The following NEGR1 variants were observed in gnomAD, a reference collection of about 807,000 sequenced individuals.
The protein encoded by NEGR1 is neuronal growth regulator 1, also known as IgLON family member 4.
A neutral mutation model predicts 40.9 loss-of-function variants in NEGR1; 10 were observed. The observed-to-expected ratio is 0.24, with a 90% CI of 0.15 to 0.42. The LOEUF (loss-of-function observed/expected upper bound fraction) is 0.42, where lower values mean the gene tolerates loss of function less well. NEGR1 is among the 10% of genes least tolerant of loss of function. The pLI, the probability that NEGR1 is intolerant of heterozygous loss-of-function variation, is 1.00. For missense variants in NEGR1, 352 were observed against 438.9 expected (o/e 0.80, Z 1.77); for synonymous variants, 185 against 166.8 (o/e 1.11, Z -0.84).
intron 2 of NEGR1, among the ~76,000 whole-genome samples, chr1:71,778,989 A>G (rs1253639082): frequency 6.6e-6 from 1 of 152,148 alleles, no homozygotes; most frequent in Non-Finnish European, 1.5e-5. Context: ...TCCAGGTGTG[A>G]CATGTCATTC....
At chr1:72,192,710 C>A (rs1029584995) in intron 1 of NEGR1, among the ~76,000 whole-genome samples, 1 of 151,684 alleles carries the variant, frequency 6.6e-6, no homozygotes, top group Non-Finnish European at 1.5e-5. Flanking sequence ...TTGCATATTG[C>A]CAGATTAGAA....
At chr1:71,839,680 C>T (rs1299195216) in intron 2 of NEGR1, among the ~76,000 whole-genome samples, 1 of 152,090 alleles carries the variant, frequency 6.6e-6, no homozygotes, top group Non-Finnish European at 1.5e-5. Context: ...TCTTCATTTG[C>T]AGAGTTGGGC....
intron 1 of NEGR1, among the ~76,000 whole-genome samples, chr1:72,029,883 T>G (rs1646842368): frequency 1.3e-5 from 2 of 152,156 alleles, no homozygotes; most frequent in Admixed American, 1.3e-4. Context: ...CCCATCTAAT[T>G]TGGGAATTGA....
chr1:71,586,803 C>A (rs1649323633), intron 6 of NEGR1, among the ~76,000 whole-genome samples: 2 of 152,080 alleles, frequency 1.3e-5, no homozygotes, highest in Non-Finnish European at 2.9e-5. Context: ...ACTTTCATGA[C>A]TTATGTGATG....
chr1:71,666,431 T>C (rs1280852507), intron 4 of NEGR1, among the ~76,000 whole-genome samples: 4 of 152,136 alleles, frequency 2.6e-5, no homozygotes, highest in South Asian at 2.1e-4. Flanking sequence ...AGCTAAAGCA[T>C]AGGCACTCAA....
At chr1:72,227,242 G>A (rs1048089679) in intron 1 of NEGR1, among the ~76,000 whole-genome samples, 9 of 152,038 alleles carry the variant, frequency 5.9e-5, no homozygotes, top group Non-Finnish European at 1.0e-4. Context: ...GTAATGTTAT[G>A]AAACATAATG....
chr1:72,030,988 T>C (rs907822674), intron 1 of NEGR1, among the ~76,000 whole-genome samples: 4 of 152,220 alleles, frequency 2.6e-5, no homozygotes, highest in African/African-American at 9.6e-5. Flanking sequence ...GAGTTTATCT[T>C]ACATGTTGTG....
chr1:71,634,738 T>TA (rs1324999638), intron 4 of NEGR1, among the ~76,000 whole-genome samples: 2 of 152,118 alleles, frequency 1.3e-5, no homozygotes, highest in Non-Finnish European at 2.9e-5. Flanking sequence ...GGTCTAGACT[T>TA]ACTAATTACA....
chr1:72,048,252 G>A (rs1647021301), intron 1 of NEGR1, among the ~76,000 whole-genome samples: 3 of 151,476 alleles, frequency 2.0e-5, no homozygotes, highest in South Asian at 4.2e-4. Flanking sequence ...CTCTTTCTTC[G>A]TTAAACTAAC....
chr1:72,200,743 T>A (rs1653176072), intron 1 of NEGR1, among the ~76,000 whole-genome samples: 2 of 151,894 alleles, frequency 1.3e-5, no homozygotes, highest in Admixed American at 1.3e-4. Context: ...CTCCAAATAT[T>A]TAGAAATTAG....
At chr1:71,766,299 AG>A (rs1475343013) in intron 3 of NEGR1, among the ~76,000 whole-genome samples, 1 of 152,208 alleles carries the variant, frequency 6.6e-6, no homozygotes, top group Non-Finnish European at 1.5e-5. Flanking sequence ...CCTGACAAAT[AG>A]GAAGAAAAGG....
chr1:71,574,426 A>G (rs370591305), intron 6 of NEGR1, among the ~76,000 whole-genome samples: 5 of 152,298 alleles, frequency 3.3e-5, no homozygotes, highest in African/African-American at 1.2e-4. Flanking sequence ...AGATTTCTAC[A>G]GTCTTTTTTA....
chr1:71,994,506 C>T (rs995251976), intron 1 of NEGR1, among the ~76,000 whole-genome samples: 4 of 149,894 alleles, frequency 2.7e-5, no homozygotes, highest in Non-Finnish European at 5.9e-5. Context: ...CCAGCCTGGG[C>T]GACAGAGGGA....
At chr1:72,070,299 T>G (rs1647408156) in intron 1 of NEGR1, among the ~76,000 whole-genome samples, 2 of 151,976 alleles carry the variant, frequency 1.3e-5, no homozygotes. Flanking sequence ...TAATGTTTCT[T>G]TCTTGCACTT....
chr1:71,731,989 C>T (rs1300378913), intron 3 of NEGR1, among the ~76,000 whole-genome samples: 1 of 152,104 alleles, frequency 6.6e-6, no homozygotes, highest in Non-Finnish European at 1.5e-5. Context: ...CTCCAGTTTT[C>T]ATGAGGCATT....
chr1:72,086,158 G>A (rs1350531386), intron 1 of NEGR1, among the ~76,000 whole-genome samples: 3 of 151,922 alleles, frequency 2.0e-5, no homozygotes, highest in African/African-American at 4.8e-5. Context: ...TAGCAATTTC[G>A]ATATTATAAT....
intron 3 of NEGR1, among the ~76,000 whole-genome samples, chr1:71,734,325 T>C (rs765147133): frequency 2.6e-5 from 4 of 152,180 alleles, no homozygotes; most frequent in Non-Finnish European, 5.9e-5. Flanking sequence ...TTGGGCAAGA[T>C]ATTTAACCAC....
At chr1:72,221,280 T>C (rs372888395) in intron 1 of NEGR1, among the ~76,000 whole-genome samples, 15 of 152,254 alleles carry the variant, frequency 9.9e-5, no homozygotes, top group African/African-American at 3.6e-4. Flanking sequence ...AGGACAACCT[T>C]ATCATAATTT....
At chr1:72,039,597 A>G (rs1321555865) in intron 1 of NEGR1, among the ~76,000 whole-genome samples, 1 of 152,036 alleles carries the variant, frequency 6.6e-6, no homozygotes, top group African/African-American at 2.4e-5. Flanking sequence ...TCCCGATACC[A>G]ACTCAATATT....
Sources: allele counts gnomAD v4.1 joint callset (sites outside exome capture counted in the v4.1 genomes callset), GRCh38; gene constraint gnomAD v4.1.1; transcripts MANE v1.5; gene names NCBI Gene and HGNC (gene_info 2026-07-23, HGNC 2026-07-21).